The following DHX35 variants were observed in gnomAD, a reference collection of about 807,000 sequenced individuals.
The protein encoded by DHX35 is DEAH-box helicase 35.
Under a neutral mutation model 99.6 loss-of-function variants are expected in DHX35, and 84 were observed. The ratio of observed to expected loss-of-function variants is 0.84; its 90% confidence interval spans 0.71 to 1.01. DHX35 has a LOEUF of 1.01. Ranked by LOEUF, DHX35 falls within the 50% of genes least tolerant of loss-of-function variation. The pLI, the probability that DHX35 is intolerant of heterozygous loss-of-function variation, is 0.00. For synonymous variants in DHX35, 331 were observed against 316.2 expected (o/e 1.05, Z -0.50); for missense variants, 852 against 888.5 (o/e 0.96, Z 0.52).
chr20:39,014,844 TA>T, intron 13 of DHX35, 35 bp from the exon 14 acceptor site: 1 of 1,613,792 alleles, frequency 6.2e-7, no homozygotes, highest in Non-Finnish European at 8.5e-7. Context: ...GTTGCCCAAA[TA>T]AATTGATTCA....
intron 11 of DHX35, 126 bp from the exon 12 acceptor site, chr20:39,006,020 G>A (rs1420590706): frequency 9.3e-7 from 1 of 1,079,568 alleles, no homozygotes; most frequent in East Asian, 2.5e-5. Flanking sequence ...AGTCTTTCTA[G>A]TATATTAAAC....
At position 38,972,610 on chromosome 20, in the gene DHX35, G is replaced by T; in HGVS notation, c.226G>T (p.Val76Phe). The T allele has an allele frequency of 2.5e-6, 4 of 1,613,004 alleles. No homozygotes were observed. Among genetic ancestry groups the T allele is most frequent in the South Asian group, 1.1e-5 (1 of 91,060 alleles). The change falls in exon 3 of 22, where the codon GTT becomes TTT. Residue 76 changes from valine to phenylalanine, a missense_variant. Transcript: ENST00000252011. Reference protein sequence around the residue: ...LIENYQTVVIVGETGCGKSTQ... With the variant: ...LIENYQTVVIFGETGCGKSTQ... ...AGAAAATTATCAGACAGTGGTGATT[G>T]TTGGTGAAACAGGATGTGGGAAGAG... is the stretch of plus-strand genomic sequence containing the variant.
At chr20:39,012,121 G>A (rs1339362738) in intron 13 of DHX35, among the ~76,000 whole-genome samples, 2 of 152,082 alleles carry the variant, frequency 1.3e-5, no homozygotes, top group African/African-American at 2.4e-5. Context: ...GGTGGCATGC[G>A]CCTGTAGTCC....
At chr20:38,973,431 C>T (rs769438525) in intron 3 of DHX35, among the ~76,000 whole-genome samples, 3 of 152,320 alleles carry the variant, frequency 2.0e-5, no homozygotes, top group Non-Finnish European at 2.9e-5. Context: ...CAGAACATTA[C>T]CAAAACCTCA....
At chr20:38,967,797 C>T (rs2085931642) in intron 1 of DHX35, among the ~76,000 whole-genome samples, 1 of 152,180 alleles carries the variant, frequency 6.6e-6, no homozygotes, top group Admixed American at 6.5e-5. Context: ...TCTATCCACT[C>T]CCGATTCCAT....
At chr20:38,974,010 A>C (rs1396710552) in intron 3 of DHX35, among the ~76,000 whole-genome samples, 1 of 152,140 alleles carries the variant, frequency 6.6e-6, no homozygotes, top group African/African-American at 2.4e-5. Context: ...GTGAACATTC[A>C]TGTGCTTGTC....
intron 1 of DHX35, 48 bp downstream of exon 1, chr20:38,962,455 G>C (rs2085845936): frequency 1.9e-6 from 3 of 1,598,650 alleles, no homozygotes; most frequent in African/African-American, 2.7e-5. Flanking sequence ...CCTGACTTCG[G>C]TCTTGGCGCC....
At position 39,020,656 on chromosome 20, in the gene DHX35, C is replaced by CTTTTTTTTTT. The variant is rs57246257; in HGVS notation, c.1499-1174_1499-1165dup. Among the ~76,000 whole-genome samples, 980 of 105,156 alleles carry CTTTTTTTTTT rather than the reference C, an allele frequency of 9.3e-3. 60 individuals are homozygous for CTTTTTTTTTT. Among genetic ancestry groups the CTTTTTTTTTT allele is most frequent in the East Asian group, 0.021 (68 of 3,228 alleles). The allele number at this position is 105,156 out of a possible 152,430, so 69.0% of individuals were successfully genotyped here. A position where few individuals can be genotyped will look rare whatever the true frequency, so the allele number is the denominator to read the frequency against. On this transcript the variant is annotated intron_variant, in intron 15 of 21. Coordinates refer to ENST00000252011, the MANE Select transcript of DHX35 (RefSeq NM_021931.4). ...CAGCCTTCCATTTAGAAACAGGATT[C>CTTTTTTTTTT]TTTTTTTTTTTTTTTTTTTTGAGAC...
chr20:39,035,699 T>G (rs994720206), intron 21 of DHX35, among the ~76,000 whole-genome samples: 2 of 152,170 alleles, frequency 1.3e-5, no homozygotes, highest in Non-Finnish European at 2.9e-5. Flanking sequence ...CATCGCCAGG[T>G]GCCGTAGTCC....
chr20:39,018,003 A>G (rs912705091), intron 14 of DHX35, among the ~76,000 whole-genome samples: 3 of 152,168 alleles, frequency 2.0e-5, no homozygotes, highest in African/African-American at 7.2e-5. Flanking sequence ...CATGTCTTAT[A>G]TGGCAGCAGG....
chr20:39,035,318 C>T lies in DHX35; in HGVS notation c.2067+1001C>T, dbSNP rs557461042. On this transcript the variant is annotated intron_variant, in intron 21 of 21. Coordinates refer to ENST00000252011, the MANE Select transcript of DHX35 (RefSeq NM_021931.4). Reference sequence around the variant, plus strand: ...AACTCCTGACCTCTGGTGATCCGCCCGCCTTGGTCTCCCAAAGTGTTGGGA... The same window carrying T: ...AACTCCTGACCTCTGGTGATCCGCCTGCCTTGGTCTCCCAAAGTGTTGGGA... 5.3e-5 allele frequency among the ~76,000 whole-genome samples: 8 copies of T among 151,026 alleles called. No homozygotes were observed. The East Asian group carries it at 7.9e-4, about 15-fold the overall frequency.
At chr20:39,005,181 C>A (rs1470751327) in intron 11 of DHX35, among the ~76,000 whole-genome samples, 1 of 151,914 alleles carries the variant, frequency 6.6e-6, no homozygotes, top group Non-Finnish European at 1.5e-5. Context: ...ATGTAAAGTG[C>A]CTGAAAAAAG....
chr20:38,971,036 A>G (rs1026358114), intron 2 of DHX35, among the ~76,000 whole-genome samples: 1 of 152,168 alleles, frequency 6.6e-6, no homozygotes, highest in African/African-American at 2.4e-5. Flanking sequence ...CTTTCAAACA[A>G]AAAGTAAAAG....
intron 8 of DHX35, among the ~76,000 whole-genome samples, chr20:38,995,955 C>T (rs1227409168): frequency 6.6e-6 from 1 of 152,178 alleles, no homozygotes; most frequent in Admixed American, 6.5e-5. Context: ...CTTGAACTCC[C>T]TCTCTGACTT....
At chr20:38,994,778 G>A in intron 7 of DHX35, 43 bp from the exon 8 acceptor site, 1 of 1,476,602 alleles carries the variant, frequency 6.8e-7, no homozygotes. Flanking sequence ...TCATCCATAA[G>A]TGTTGCACTA....
At chr20:38,976,345 T>TGTGG (rs1349200990) in intron 3 of DHX35, among the ~76,000 whole-genome samples, 2 of 151,462 alleles carry the variant, frequency 1.3e-5, no homozygotes, top group Admixed American at 1.3e-4. Context: ...TCTGTGTGTG[T>TGTGG]GTGTGTGTGT....
At chr20:38,962,639 C>T in intron 1 of DHX35, 1 of 560,086 alleles carries the variant, frequency 1.8e-6, no homozygotes, top group South Asian at 2.2e-5. Context: ...TAAAGTGGTC[C>T]AGCCTCCTCA....
intron 21 of DHX35, among the ~76,000 whole-genome samples, chr20:39,036,947 G>A (rs1327799514): frequency 6.6e-6 from 1 of 152,144 alleles, no homozygotes; most frequent in African/African-American, 2.4e-5. Flanking sequence ...TGAACACAGT[G>A]CAGCACCTCA....
chr20:38,975,133 A>G (rs6101357), intron 3 of DHX35, among the ~76,000 whole-genome samples: 7,211 of 152,054 alleles, frequency 0.047, 575 homozygotes, highest in African/African-American at 0.16. Context: ...TGGGTTTATA[A>G]ATAGGTTGGG....
Sources: allele counts gnomAD v4.1 joint callset (sites outside exome capture counted in the v4.1 genomes callset), GRCh38; gene constraint gnomAD v4.1.1; transcripts MANE v1.5; gene names NCBI Gene and HGNC (gene_info 2026-07-23, HGNC 2026-07-21).